The following LEO1 variants were observed in gnomAD, a reference collection of about 807,000 sequenced individuals.
The protein encoded by LEO1 is LEO1 component of Paf1/RNA polymerase II complex, also known as RNA polymerase-associated protein LEO1.
Under a neutral mutation model 80.4 loss-of-function variants are expected in LEO1, and 34 were observed. The observed-to-expected ratio is 0.42, with a 90% CI of 0.32 to 0.56. The LOEUF is 0.56. Among genes scored for constraint, LEO1 ranks in the 20% least tolerant of loss-of-function variants. The pLI is 0.10. For missense variants in LEO1, 631 were observed against 814.2 expected (o/e 0.77, Z 2.74); for synonymous variants, 262 against 274.9 (o/e 0.95, Z 0.46).
intron 1 of LEO1, among the ~76,000 whole-genome samples, chr15:51,968,324 C>T (rs1346804634): frequency 6.6e-6 from 1 of 152,148 alleles, no homozygotes; most frequent in African/African-American, 2.4e-5. Flanking sequence ...GGGAAGATCA[C>T]CTGAGGTCAG....
intron 11 of LEO1, among the ~76,000 whole-genome samples, chr15:51,939,552 C>A (rs1357349079): frequency 6.6e-6 from 1 of 152,172 alleles, no homozygotes; most frequent in Non-Finnish European, 1.5e-5. Flanking sequence ...GAAAGATGGA[C>A]CCTGCCCCCA....
intron 11 of LEO1, among the ~76,000 whole-genome samples, chr15:51,944,994 G>A (rs1371185309): frequency 6.6e-6 from 1 of 152,020 alleles, no homozygotes; most frequent in Non-Finnish European, 1.5e-5. Context: ...TGGGAAACAG[G>A]TAAGGCCATT....
intron 11 of LEO1, among the ~76,000 whole-genome samples, chr15:51,942,156 T>C (rs1404132828): frequency 3.9e-5 from 6 of 152,196 alleles, no homozygotes; most frequent in African/African-American, 1.4e-4. Flanking sequence ...CCTTATTCCA[T>C]TGTAACCCAT....
rs2141751582 is a variant in LEO1, at chr15:51,947,389, T to C, written c.1799A>G (p.Glu600Gly). 1 of 1,605,180 alleles carries C rather than the reference T, an allele frequency of 6.2e-7. No homozygotes were observed. Among genetic ancestry groups the C allele is most frequent in the East Asian group, 2.2e-5 (1 of 44,838 alleles). ...IKNRYKGGIR[E>G]ERARIYSSDS... ...TGATGAATAGATTCTGGCTCGTTCC[T>C]CTGAAAGCAAAAGTACAGATTGTGA... The change falls in exon 11 of 12, where the codon GAG becomes GGG. Residue 600 changes from glutamate (E) to glycine (G), a missense_variant and splice_region_variant. Transcript: ENST00000299601.
intron 8 of LEO1, among the ~76,000 whole-genome samples, chr15:51,952,912 T>C (rs1370632719): frequency 2.0e-5 from 3 of 152,206 alleles, no homozygotes; most frequent in Admixed American, 6.5e-5. Flanking sequence ...TAACAGTCTC[T>C]TGTAAGTCTG....
In LEO1 at chr15:51,966,026, A is replaced by G. The variant is rs780448316; in HGVS notation, c.537T>C (p.Ser179=). 3.7e-6 allele frequency: 6 copies of G among 1,614,014 alleles called. No homozygotes were observed. The Admixed American group carries it at 8.3e-5, about 22-fold the overall frequency. Residue 179 remains serine, a synonymous_variant, in exon 2 of 12, where the codon TCT becomes TCC. Coordinates refer to ENST00000299601, the MANE Select transcript of LEO1 (RefSeq NM_138792.4). Reference sequence around the variant, plus strand: ...TGTTCTGCATTTTCTCATCATCGTCAGAATTCTGCAGCTTATCTTCATCAG... The same window carrying G: ...TGTTCTGCATTTTCTCATCATCGTCGGAATTCTGCAGCTTATCTTCATCAG... ...QGSDEDKLQN[S]DDDEKMQNTD...
At chr15:51,964,380 T>G (rs2057058041) in intron 2 of LEO1, among the ~76,000 whole-genome samples, 1 of 151,526 alleles carries the variant, frequency 6.6e-6, no homozygotes. Context: ...GCAGGGAACA[T>G]CACACACCGG....
chr15:51,942,873 G>A (rs1378929955), intron 11 of LEO1, among the ~76,000 whole-genome samples: 1 of 145,164 alleles, frequency 6.9e-6, no homozygotes, highest in African/African-American at 2.6e-5. Context: ...AGTGAGCCAA[G>A]ATGGCACCAC....
chr15:51,943,966 T>C (rs1453465255), intron 11 of LEO1, among the ~76,000 whole-genome samples: 1 of 151,926 alleles, frequency 6.6e-6, no homozygotes, highest in African/African-American at 2.4e-5. Context: ...CCCAGAGAAA[T>C]GTGAGACACC....
At chr15:51,962,096 G>A (rs1352621558) in intron 3 of LEO1, among the ~76,000 whole-genome samples, 2 of 151,556 alleles carry the variant, frequency 1.3e-5, no homozygotes, top group South Asian at 4.2e-4. Flanking sequence ...CCAGGAGGCA[G>A]CAGTTGCAAT....
intron 4 of LEO1, among the ~76,000 whole-genome samples, chr15:51,960,324 A>G (rs970391518): frequency 1.3e-5 from 2 of 152,194 alleles, no homozygotes; most frequent in African/African-American, 2.4e-5. Context: ...CACTCTATCA[A>G]TTAAAACCAG....
At chr15:51,958,928 C>A in intron 5 of LEO1, 102 bp from the exon 6 acceptor site, 1 of 537,034 alleles carries the variant, frequency 1.9e-6, no homozygotes, top group Non-Finnish European at 3.3e-6. Context: ...ATCAAAAAAT[C>A]ATAATATAAT....
chr15:51,943,734 A>C (rs917533671), intron 11 of LEO1, among the ~76,000 whole-genome samples: 2 of 151,218 alleles, frequency 1.3e-5, no homozygotes, highest in African/African-American at 4.9e-5. Flanking sequence ...GCATGATAAC[A>C]ATGTATTAGC....
intron 10 of LEO1, among the ~76,000 whole-genome samples, chr15:51,948,291 C>T (rs947830240): frequency 6.6e-6 from 1 of 152,194 alleles, no homozygotes; most frequent in Non-Finnish European, 1.5e-5. Context: ...GACTCATGTG[C>T]TAGATTTTTA....
At chr15:51,955,155 G>A (rs564665433) in intron 6 of LEO1, 1 of 152,302 alleles carries the variant, frequency 6.6e-6, no homozygotes, top group South Asian at 2.1e-4. Context: ...AGCCAGGATG[G>A]TCTCGATCTC....
chr15:51,953,227 C>T lies in LEO1; in HGVS notation c.1377G>A (p.Val459=), dbSNP rs1298693317. The change falls in exon 8 of 12, where the codon GTG becomes GTA. Residue 459 remains valine, a synonymous_variant. Coordinates refer to ENST00000299601, the MANE Select transcript of LEO1 (RefSeq NM_138792.4). ...GGTCGCCCTGCAGTGGGGCTTTGTA[C>T]ACATCAAACACTTCATTGCCTAAAT... is the stretch of plus-strand genomic sequence containing the variant. ...SLHLGNEVFD[V]YKAPLQGDHN... The T allele has an allele frequency of 6.2e-7, 1 of 1,613,948 alleles. No homozygotes were observed. Among genetic ancestry groups the T allele is most frequent in the African/African-American group, 1.3e-5 (1 of 74,944 alleles).
At chr15:51,970,791 G>A (rs980739599) in intron 1 of LEO1, among the ~76,000 whole-genome samples, 1 of 152,122 alleles carries the variant, frequency 6.6e-6, no homozygotes, top group Admixed American at 6.6e-5. Context: ...AGCCTAGAGG[G>A]TTGCAAGAAT....
In LEO1 at chr15:51,938,050, T is replaced by C; in HGVS notation, c.*106A>G. 1.6e-6 allele frequency: 1 copy of C among 643,584 alleles called. No individual in the cohort carries two copies. The highest frequency in any genetic ancestry group is 2.6e-6 in the Non-Finnish European group (1 of 390,858). The allele number at this position is 643,584 out of a possible 1,614,324, so 39.9% of individuals were successfully genotyped here. A position where few individuals can be genotyped will look rare whatever the true frequency, so the allele number is the denominator to read the frequency against. On this transcript the variant is annotated 3_prime_UTR_variant, in exon 12 of 12. Coordinates refer to ENST00000299601, the MANE Select transcript of LEO1 (RefSeq NM_138792.4). Reference sequence around the variant, plus strand: ...TTGCTTTTAAATTGTTTTATTACAATTAAAATTACACAAAAGCAAATCGAT... The same window carrying C: ...TTGCTTTTAAATTGTTTTATTACAACTAAAATTACACAAAAGCAAATCGAT...
chr15:51,956,755 A>G (rs973081620), intron 6 of LEO1, among the ~76,000 whole-genome samples: 1 of 152,236 alleles, frequency 6.6e-6, no homozygotes, highest in East Asian at 1.9e-4. Flanking sequence ...GTTTTAAGAC[A>G]ACAGTTTATG....
Sources: allele counts gnomAD v4.1 joint callset (sites outside exome capture counted in the v4.1 genomes callset), GRCh38; gene constraint gnomAD v4.1.1; transcripts MANE v1.5; gene names NCBI Gene and HGNC (gene_info 2026-07-23, HGNC 2026-07-21).